The following ADGRB1 variants were observed in gnomAD, a reference collection of about 807,000 sequenced individuals.
ADGRB1 encodes the protein adhesion G protein-coupled receptor B1.
A neutral mutation model predicts 175.7 loss-of-function variants in ADGRB1; 36 were observed. That is an observed-to-expected ratio of 0.20 (90% confidence interval 0.16 to 0.27). ADGRB1 has a LOEUF of 0.27. Among genes scored for constraint, ADGRB1 ranks in the 10% least tolerant of loss-of-function variants. The pLI, the probability that ADGRB1 is intolerant of heterozygous loss-of-function variation, is 1.00. For missense variants in ADGRB1, 1,731 were observed against 2,255.3 expected (o/e 0.77, Z 4.71); for synonymous variants, 1,054 against 979.4 (o/e 1.08, Z -1.42).
chr8:142,469,580 C>A (rs552381626), intron 2 of ADGRB1, among the ~76,000 whole-genome samples: 23 of 132,128 alleles, frequency 1.7e-4, no homozygotes, highest in African/African-American at 5.7e-4. Context: ...TGCATGTGTG[C>A]ATGTGTGAAT....
intron 17 of ADGRB1, among the ~76,000 whole-genome samples, chr8:142,508,064 C>T (rs757552716): frequency 2.6e-5 from 4 of 152,132 alleles, no homozygotes; most frequent in Non-Finnish European, 2.9e-5. Context: ...TTTTATGTGT[C>T]TGGCTGCATG....
intron 25 of ADGRB1, among the ~76,000 whole-genome samples, chr8:142,534,710 A>G (rs1447979099): frequency 2.0e-5 from 3 of 152,106 alleles, no homozygotes; most frequent in African/African-American, 7.2e-5. Context: ...TTGCAACCCA[A>G]CCAGACAAGC....
chr8:142,467,245 G>C (rs1840331044), intron 2 of ADGRB1, among the ~76,000 whole-genome samples: 1 of 152,226 alleles, frequency 6.6e-6, no homozygotes, highest in Non-Finnish European at 1.5e-5. Context: ...GCAGGGCTTT[G>C]GGCAGAAGAG....
At chr8:142,471,416 G>A (rs1449781333) in intron 2 of ADGRB1, among the ~76,000 whole-genome samples, 2 of 152,196 alleles carry the variant, frequency 1.3e-5, no homozygotes, top group South Asian at 2.1e-4. Flanking sequence ...GTCGGGGCCC[G>A]GGCGGTGGGC....
chr8:142,539,329 C>T (rs748687089), intron 26 of ADGRB1, 45 bp from the exon 27 acceptor site: 13 of 1,554,206 alleles, frequency 8.4e-6, no homozygotes, highest in Middle Eastern at 1.7e-4. Flanking sequence ...CACACACCCC[C>T]GCTCCCAGAG....
chr8:142,482,314 C>G (rs111762269), intron 11 of ADGRB1, among the ~76,000 whole-genome samples: 1,620 of 150,252 alleles, frequency 0.011, 27 homozygotes, highest in African/African-American at 0.038. Flanking sequence ...AGCCCTGATC[C>G]TGGTCACATT....
intron 18 of ADGRB1, among the ~76,000 whole-genome samples, chr8:142,514,998 G>A (rs1199907477): frequency 1.3e-5 from 2 of 152,136 alleles, no homozygotes; most frequent in African/African-American, 2.4e-5. Context: ...GGGGGCAAAG[G>A]GTGGATATAG....
Position 142,493,124 on chromosome 8 carries a change from G to T in ADGRB1, c.2675+2309G>T, listed in dbSNP as rs955706645. ...GCAGTCTTGTCAGGTGGAGGGTGTG[G>T]GCCCCTGGGGGGCCTGCAGAGTAAA... On this transcript the variant is annotated intron_variant, in intron 17 of 30. Transcript: ENST00000517894. The surrounding 1 kb of genome is among the most constrained non-coding windows in gnomAD (Gnocchi z 5.0). Among the ~76,000 whole-genome samples, 1 of 151,946 alleles carries T rather than the reference G, an allele frequency of 6.6e-6. No homozygotes were observed.
At chr8:142,450,573 C>T (rs896168902) in intron 1 of ADGRB1, among the ~76,000 whole-genome samples, 1 of 152,070 alleles carries the variant, frequency 6.6e-6, no homozygotes, top group Non-Finnish European at 1.5e-5. Context: ...CGGAGAGCCC[C>T]CGAGCGTGTC....
chr8:142,464,394 T>C lies in ADGRB1; in HGVS notation c.196T>C (p.Ser66Pro). The change falls in exon 2 of 31, where the codon TCG becomes CCG. Residue 66 changes from serine to proline, a missense_variant. This residue lies in a region of ADGRB1 where 383 missense variants were observed against 383.1 expected (regional missense o/e 1.00). Transcript: ENST00000517894. Reference sequence around the variant, plus strand: ...GGCCGCCGTGTTCCCGGCCAACGCCTCGCGCTGCTCCTGGACGCTACGCAA... The same window carrying C: ...GGCCGCCGTGTTCCCGGCCAACGCCCCGCGCTGCTCCTGGACGCTACGCAA... Reference protein sequence around the residue: ...SAAAVFPANASRCSWTLRNPD... With the variant: ...SAAAVFPANAPRCSWTLRNPD... 1 of 1,529,152 alleles carries C rather than the reference T, an allele frequency of 6.5e-7. No homozygotes were observed. 94.7% of individuals were successfully genotyped at this position (1,529,152 alleles called of 1,614,324 possible).
chr8:142,482,011 ACCCTGG>A (rs1841366011), intron 11 of ADGRB1, among the ~76,000 whole-genome samples: 1 of 150,442 alleles, frequency 6.6e-6, no homozygotes. Context: ...CTGAGCCCTG[ACCCTGG>A]TCACACACTG....
chr8:142,543,859 C>A lies in ADGRB1; in HGVS notation c.4557+151C>A, dbSNP rs558897768. On this transcript the variant is annotated intron_variant, in intron 30 of 30. Coordinates refer to ENST00000517894, the MANE Select transcript of ADGRB1 (RefSeq NM_001702.3). This position sits in a 1 kb window ranked among gnomAD's most constrained non-coding sequence, Gnocchi z 4.4. ...TCATTCGCCCATCCCTGAGGGCTGG[C>A]CTGACCCTGCCATGCCAGACTCTGG... is the stretch of plus-strand genomic sequence containing the variant. 2.0e-5 allele frequency among the ~76,000 whole-genome samples: 3 copies of A among 152,138 alleles called. No homozygotes were observed. The highest frequency in any genetic ancestry group is 6.5e-5 in the Admixed American group (1 of 15,276).
chr8:142,489,605 G>A (rs1353852096), intron 16 of ADGRB1, among the ~76,000 whole-genome samples, 167 bp downstream of exon 16: 2 of 152,158 alleles, frequency 1.3e-5, no homozygotes, highest in Non-Finnish European at 2.9e-5. Context: ...TCAGAGAGGT[G>A]CGGTGACTTG....
intron 24 of ADGRB1, among the ~76,000 whole-genome samples, chr8:142,529,888 G>T (rs186944042): frequency 6.7e-6 from 1 of 149,406 alleles, no homozygotes; most frequent in Non-Finnish European, 1.5e-5. Flanking sequence ...ACATGTGAAC[G>T]TGCATCTGTG....
intron 14 of ADGRB1, 41 bp from the exon 15 acceptor site, chr8:142,488,994 T>A: frequency 6.3e-7 from 1 of 1,597,592 alleles, no homozygotes; most frequent in Non-Finnish European, 8.5e-7. Flanking sequence ...ACCCTGGCTG[T>A]GGGGATGGCG....
chr8:142,530,612 A>C (rs1045565565), intron 24 of ADGRB1, among the ~76,000 whole-genome samples: 2 of 152,164 alleles, frequency 1.3e-5, no homozygotes, highest in African/African-American at 2.4e-5. Flanking sequence ...TGGGAGGAGC[A>C]AGCCCGGAGC....
At chr8:142,487,836 T>C (rs1308814922) in intron 13 of ADGRB1, among the ~76,000 whole-genome samples, 1 of 152,186 alleles carries the variant, frequency 6.6e-6, no homozygotes, top group Non-Finnish European at 1.5e-5. Context: ...ACTGGATCCC[T>C]TCTTTCACCG....
chr8:142,524,880 G>A (rs1003288445), intron 23 of ADGRB1, among the ~76,000 whole-genome samples: 1 of 152,020 alleles, frequency 6.6e-6, no homozygotes, highest in African/African-American at 2.4e-5. Context: ...CGGCAGCCTG[G>A]GGGACCCGCC....
chr8:142,481,797 C>T (rs1587306310), intron 11 of ADGRB1, 86 bp downstream of exon 11: 1 of 1,233,218 alleles, frequency 8.1e-7, no homozygotes, highest in Non-Finnish European at 1.1e-6. Flanking sequence ...GATCCCCAAC[C>T]CTGGCCACAG....
Sources: gnomAD v4.1 joint callset for allele counts (sites outside exome capture counted in the v4.1 genomes callset) on GRCh38, gnomAD v4.1.1 for gene constraint, gnomAD v4.1.1 regional missense constraint, Gnocchi (gnomAD v3.1) non-coding constraint, MANE v1.5 for transcripts, NCBI Gene and HGNC (gene_info 2026-07-23, HGNC 2026-07-21) for gene names.